The following CATSPERE variants were observed in gnomAD, a reference collection of about 807,000 sequenced individuals.
CATSPERE encodes the protein catsper channel auxiliary subunit epsilon, also known as cation channel sperm-associated auxiliary subunit epsilon.
Under a neutral mutation model 114.1 loss-of-function variants are expected in CATSPERE, and 93 were observed. The observed-to-expected ratio is 0.81, with a 90% CI of 0.69 to 0.97. CATSPERE has a LOEUF of 0.97. CATSPERE is among the 50% of genes least tolerant of loss of function. The pLI is 0.00. For synonymous variants in CATSPERE, 341 were observed against 384.1 expected (o/e 0.89, Z 1.31); for missense variants, 1,058 against 1,131.6 (o/e 0.93, Z 0.93).
In CATSPERE at chr1:244,568,893, AAAAAAC is replaced by A. The variant is rs747190837; in HGVS notation, c.1508-3421_1508-3416del. 3.3e-5 allele frequency among the ~76,000 whole-genome samples: 5 copies of A among 152,260 alleles called. No individual in the cohort carries two copies. Among genetic ancestry groups the A allele is most frequent in the East Asian group, 1.9e-4 (1 of 5,166 alleles). On this transcript the variant is annotated intron_variant, in intron 10 of 21. Coordinates refer to ENST00000366534, the MANE Select transcript of CATSPERE (RefSeq NM_001130957.2). This position sits in a 1 kb window ranked among gnomAD's most constrained non-coding sequence, Gnocchi z 4.4. The stretch of plus-strand genomic sequence containing the variant: ...GTTCCTGGCACCACTGGGGTATGAA[AAAAAAC>A]AAAAACAAAAACAAAGACAAAAAAC...
chr1:244,509,100 T>C (rs1426474101), intron 7 of CATSPERE, among the ~76,000 whole-genome samples: 1 of 152,060 alleles, frequency 6.6e-6, no homozygotes, highest in Non-Finnish European at 1.5e-5. Flanking sequence ...TCCAATATTA[T>C]GTTGAATAGG....
intron 5 of CATSPERE, among the ~76,000 whole-genome samples, chr1:244,485,703 T>TG (rs1491336275): frequency 2.0e-4 from 22 of 112,452 alleles, no homozygotes; most frequent in East Asian, 1.5e-3. Flanking sequence ...GTTTTTTTTG[T>TG]TTTTTTTTTT....
intron 2 of CATSPERE, among the ~76,000 whole-genome samples, chr1:244,467,960 A>G (rs779911353): frequency 6.6e-6 from 1 of 151,944 alleles, no homozygotes; most frequent in East Asian, 1.9e-4. Flanking sequence ...ATTGCTATTC[A>G]TTTGTTTATA....
intron 8 of CATSPERE, among the ~76,000 whole-genome samples, chr1:244,532,279 G>A (rs1013765762): frequency 7.3e-5 from 11 of 151,138 alleles, no homozygotes; most frequent in Non-Finnish European, 1.3e-4. Flanking sequence ...TTGATCTTTT[G>A]TATTGCCTTC....
At chr1:244,506,735 C>T (rs1017987687) in intron 7 of CATSPERE, among the ~76,000 whole-genome samples, 7 of 152,120 alleles carry the variant, frequency 4.6e-5, no homozygotes, top group African/African-American at 1.7e-4. Flanking sequence ...GGATATCCAT[C>T]ACCTCAAACA....
chr1:244,452,053 A>T (rs946913983), upstream of CATSPERE: 14 of 363,278 alleles, frequency 3.9e-5, no homozygotes, highest in Non-Finnish European at 6.3e-5. Flanking sequence ...CACCGCCCGC[A>T]GGAAGAGGCC....
At chr1:244,505,150 G>A (rs1674627274) in intron 7 of CATSPERE, among the ~76,000 whole-genome samples, 1 of 152,050 alleles carries the variant, frequency 6.6e-6, no homozygotes, top group South Asian at 2.1e-4. Flanking sequence ...TTGTTGTTTG[G>A]TTGTTTTGTT....
intron 10 of CATSPERE, among the ~76,000 whole-genome samples, chr1:244,563,673 A>C (rs528234139): frequency 6.6e-6 from 1 of 152,264 alleles, no homozygotes; most frequent in East Asian, 1.9e-4. Context: ...TGTCAGATGG[A>C]TAGACTGCAA....
intron 21 of CATSPERE, among the ~76,000 whole-genome samples, chr1:244,637,908 T>C (rs1383575875): frequency 1.3e-5 from 2 of 152,202 alleles, no homozygotes; most frequent in East Asian, 3.8e-4. Flanking sequence ...CATAAAAATC[T>C]ACTAACATCT....
At chr1:244,496,763 A>T (rs1353637930) in intron 6 of CATSPERE, among the ~76,000 whole-genome samples, 1 of 152,220 alleles carries the variant, frequency 6.6e-6, no homozygotes, top group Non-Finnish European at 1.5e-5. Context: ...AAACAAAAAC[A>T]GTGTTCAGAA....
exon 1 of CATSPERE, chr1:244,454,575 AGAAAGG>A (rs1419821720): frequency 6.6e-6 from 1 of 151,668 alleles, no homozygotes; most frequent in African/African-American, 2.4e-5. Context: ...GAAACTGCAG[AGAAAGG>A]GAACCCGGAA....
At chr1:244,471,891 A>G (rs1374449665) in intron 2 of CATSPERE, among the ~76,000 whole-genome samples, 1 of 152,180 alleles carries the variant, frequency 6.6e-6, no homozygotes, top group Non-Finnish European at 1.5e-5. Flanking sequence ...AATACCTAGG[A>G]ATGGGATTAC....
intron 4 of CATSPERE, 59 bp from the exon 5 acceptor site, chr1:244,479,658 C>A: frequency 9.7e-7 from 1 of 1,034,794 alleles, no homozygotes; most frequent in Non-Finnish European, 1.5e-6. Flanking sequence ...GTGGCTATAT[C>A]CATATTTGCA....
rs1394751588 is a variant in CATSPERE at position 244,640,441 on chromosome 1, A to G, written c.*360A>G. 6.2e-6 allele frequency: 1 copy of G among 161,162 alleles called. No homozygotes were observed. The highest frequency in any genetic ancestry group is 1.3e-5 in the Non-Finnish European group (1 of 74,402). The allele number at this position is 161,162 out of a possible 1,614,324, so 10.0% of individuals were successfully genotyped here. On this transcript the variant is annotated 3_prime_UTR_variant, in exon 22 of 22. Transcript: ENST00000366534. ...TTTTGCATGAAACTTTTCACATGAA[A>G]CCTTATATGACTGTAGTTAATTTAT...
intron 7 of CATSPERE, among the ~76,000 whole-genome samples, chr1:244,516,976 C>T (rs1676744032): frequency 6.6e-6 from 1 of 151,904 alleles, no homozygotes; most frequent in Admixed American, 6.6e-5. Context: ...ATAAAACTAC[C>T]AAAATGTCCA....
At chr1:244,578,213 G>A (rs1473559604) in intron 11 of CATSPERE, among the ~76,000 whole-genome samples, 3 of 152,112 alleles carry the variant, frequency 2.0e-5, no homozygotes, top group Non-Finnish European at 2.9e-5. Context: ...GAGTGCAGCG[G>A]TGTGATCTTG....
chr1:244,538,380 G>A (rs1680690500), intron 8 of CATSPERE, among the ~76,000 whole-genome samples: 1 of 152,086 alleles, frequency 6.6e-6, no homozygotes, highest in African/African-American at 2.4e-5. Flanking sequence ...GAAAACAGAG[G>A]GGGAAGTGGT....
At chr1:244,517,037 C>A (rs1676751631) in intron 7 of CATSPERE, among the ~76,000 whole-genome samples, 1 of 151,946 alleles carries the variant, frequency 6.6e-6, no homozygotes, top group Non-Finnish European at 1.5e-5. Flanking sequence ...AAAAATTATG[C>A]AGACATTGAA....
chr1:244,560,038 G>T (rs1662309157), intron 9 of CATSPERE, among the ~76,000 whole-genome samples: 2 of 151,844 alleles, frequency 1.3e-5, no homozygotes, highest in Admixed American at 6.6e-5. Flanking sequence ...TGTCACCCAG[G>T]CTGGAGTGCA....
Sources: allele counts gnomAD v4.1 joint callset (sites outside exome capture counted in the v4.1 genomes callset), GRCh38; gene constraint gnomAD v4.1.1; non-coding constraint Gnocchi (gnomAD v3.1); transcripts MANE v1.5; gene names NCBI Gene and HGNC (gene_info 2026-07-23, HGNC 2026-07-21).